The following ANKAR variants were observed in gnomAD, a reference collection of about 807,000 sequenced individuals.
The protein encoded by ANKAR is ankyrin and armadillo repeat-containing protein.
A neutral mutation model predicts 146.2 loss-of-function variants in ANKAR; 136 were observed. The observed-to-expected ratio is 0.93, with a 90% CI of 0.81 to 1.07. The LOEUF (loss-of-function observed/expected upper bound fraction) is 1.07, where lower values mean the gene tolerates loss of function less well. Ranked by LOEUF, ANKAR falls within the 50% of genes least tolerant of loss-of-function variation. ANKAR has a pLI of 0.00. For missense variants in ANKAR, 1,567 were observed against 1,679.9 expected (o/e 0.93, Z 1.18); for synonymous variants, 500 against 575.8 (o/e 0.87, Z 1.88).
intron 16 of ANKAR, among the ~76,000 whole-genome samples, chr2:189,731,376 CT>C (rs71023714): frequency 1.2e-4 from 17 of 137,362 alleles, no homozygotes; most frequent in Admixed American, 2.2e-4. Flanking sequence ...TTTCTTTTTT[CT>C]TTTTTTTTTT....
intron 10 of ANKAR, among the ~76,000 whole-genome samples, chr2:189,716,665 A>T (rs1388031078): frequency 1.3e-5 from 2 of 152,306 alleles, no homozygotes; most frequent in East Asian, 3.9e-4. Flanking sequence ...AAGCTGGAGC[A>T]ATCACGCTAC....
chr2:189,730,580 TC>T lies in ANKAR; in HGVS notation c.3280del (p.His1094ThrfsTer19). Reference protein sequence around the residue: ...FPVLIQLLRNHPSPNIKVEVA... With the variant: ...FPVLIQLLRNXPSPNIKVEVA... ...CAGTACTTATCCAACTACTAAGAAATCACCCTTCTCCTAACATTAAGGTATA... is the reference window on the plus strand; with the variant it reads ...CAGTACTTATCCAACTACTAAGAAATACCCTTCTCCTAACATTAAGGTATA... On this transcript the variant is annotated frameshift_variant, in exon 16 of 23. Transcript: ENST00000684021. LOFTEE classifies it high-confidence loss of function. 4 of 1,588,630 alleles carry T rather than the reference TC, an allele frequency of 2.5e-6. No individual in the cohort carries two copies. Among genetic ancestry groups the T allele is most frequent in the Non-Finnish European group, 2.6e-6 (3 of 1,161,836 alleles).
chr2:189,740,475 T>A (rs1181380191), intron 19 of ANKAR, among the ~76,000 whole-genome samples: 1 of 152,202 alleles, frequency 6.6e-6, no homozygotes, highest in African/African-American at 2.4e-5. Context: ...CACAGAAATA[T>A]GAAAATACAT....
intron 7 of ANKAR, among the ~76,000 whole-genome samples, chr2:189,701,757 T>C (rs2038086242): frequency 6.6e-6 from 1 of 152,250 alleles, no homozygotes; most frequent in Non-Finnish European, 1.5e-5. Flanking sequence ...ATATTAATCA[T>C]AGTTTTAAAT....
intron 2 of ANKAR, among the ~76,000 whole-genome samples, chr2:189,686,747 T>C (rs16831866): frequency 0.019 from 2,830 of 152,324 alleles, 85 homozygotes; most frequent in African/African-American, 0.064. Flanking sequence ...ATCTGTCTGC[T>C]TTTATCTTAC....
At chr2:189,761,827 G>A (rs2047105155), downstream of ANKAR, among the ~76,000 whole-genome samples, 1 of 152,120 alleles carries the variant, frequency 6.6e-6, no homozygotes, top group Admixed American at 6.5e-5. Context: ...TGAATATAAT[G>A]TTCTCCAAGG....
At chr2:189,686,808 G>A (rs1428601359) in intron 2 of ANKAR, among the ~76,000 whole-genome samples, 1 of 143,250 alleles carries the variant, frequency 7.0e-6, no homozygotes, top group Non-Finnish European at 1.5e-5. Flanking sequence ...TATAAATTTG[G>A]AAACGAGACT....
At chr2:189,750,754 A>T, downstream of ANKAR, 6 of 827,040 alleles carry the variant, frequency 7.3e-6, no homozygotes, top group Non-Finnish European at 1.1e-5. Flanking sequence ...TATAAATATC[A>T]AATATTTAAT....
intron 7 of ANKAR, among the ~76,000 whole-genome samples, chr2:189,699,814 G>GCACCACTA (rs1042893239): frequency 6.6e-6 from 1 of 152,020 alleles, no homozygotes; most frequent in Non-Finnish European, 1.5e-5. Context: ...TTACAGATGT[G>GCACCACTA]CACCACTACA....
At chr2:189,731,703 A>AT (rs1030004887) in intron 16 of ANKAR, among the ~76,000 whole-genome samples, 78 of 150,892 alleles carry the variant, frequency 5.2e-4, no homozygotes, top group African/African-American at 1.8e-3. Context: ...TATTTATTTA[A>AT]TTTTTTTTAA....
intron 19 of ANKAR, among the ~76,000 whole-genome samples, chr2:189,741,010 A>G (rs1017316490): frequency 1.3e-5 from 2 of 152,194 alleles, no homozygotes; most frequent in Non-Finnish European, 2.9e-5. Flanking sequence ...TTCTTATGAT[A>G]ATTAAATCAT....
chr2:189,716,635 A>AATTC (rs59971017), intron 10 of ANKAR, among the ~76,000 whole-genome samples: 1 of 151,844 alleles, frequency 6.6e-6, no homozygotes, highest in African/African-American at 2.4e-5. Context: ...TTGCCAAGAC[A>AATTC]ATCCTAGGCA....
intron 12 of ANKAR, among the ~76,000 whole-genome samples, chr2:189,724,480 A>G (rs2041647215): frequency 6.6e-6 from 1 of 151,650 alleles, no homozygotes; most frequent in African/African-American, 2.4e-5. Flanking sequence ...TTTGTTCTTT[A>G]CTCTGGCCTT....
intron 2 of ANKAR, among the ~76,000 whole-genome samples, chr2:189,680,112 C>G (rs1441881144): frequency 6.6e-6 from 1 of 152,008 alleles, no homozygotes; most frequent in Non-Finnish European, 1.5e-5. Context: ...TTTATTGTTT[C>G]AAGCTCTCTA....
chr2:189,755,192 G>A, intron 18 of ANKAR: 1 of 1,607,816 alleles, frequency 6.2e-7, no homozygotes, highest in Non-Finnish European at 8.5e-7. Flanking sequence ...CATGTCACCT[G>A]GTGCTATGTC....
At position 189,676,550 on chromosome 2, in the gene ANKAR, C is replaced by T; in HGVS notation, c.60C>T (p.Thr20=). 6.2e-7 allele frequency: 1 copy of T among 1,600,980 alleles called. No homozygotes were observed. Among genetic ancestry groups the T allele is most frequent in the Non-Finnish European group, 8.5e-7 (1 of 1,176,756 alleles). The part of the protein sequence containing the change: ...PRFEQVQDED[T]YLENLAIQRN... ...TTGAGCAAGTTCAGGATGAAGACACCTACCTGGAAAATTTAGCAATACAAA... is the reference window on the plus strand; with the variant it reads ...TTGAGCAAGTTCAGGATGAAGACACTTACCTGGAAAATTTAGCAATACAAA... Residue 20 remains threonine, a synonymous_variant, in exon 2 of 23, where the codon ACC becomes ACT. Coordinates refer to ENST00000684021, the MANE Select transcript of ANKAR (RefSeq NM_001378068.1).
At chr2:189,744,172 A>G (rs1206014630) in intron 21 of ANKAR, among the ~76,000 whole-genome samples, 1 of 152,190 alleles carries the variant, frequency 6.6e-6, no homozygotes. Context: ...TCCGAATAGG[A>G]CCCATGTACA....
At chr2:189,700,835 C>G (rs576200287) in intron 7 of ANKAR, among the ~76,000 whole-genome samples, 1 of 152,292 alleles carries the variant, frequency 6.6e-6, no homozygotes, top group South Asian at 2.1e-4. Flanking sequence ...ACCTCCAATT[C>G]CATCCATGTT....
At position 189,692,438 on chromosome 2, in the gene ANKAR, A is replaced by G; in HGVS notation, c.1203+20A>G. On this transcript the variant is annotated intron_variant, in intron 4 of 22. Transcript: ENST00000684021. ...TTTCAGGTTTAAATGATCATTCCTT[A>G]GACAATTTATCATTTCACAACTCTT... The G allele has an allele frequency of 6.3e-7, 1 of 1,589,382 alleles. No homozygotes were observed. Among genetic ancestry groups the G allele is most frequent in the Admixed American group, 1.9e-5 (1 of 53,766 alleles).
Sources: gnomAD v4.1 joint callset for allele counts (sites outside exome capture counted in the v4.1 genomes callset) on GRCh38, gnomAD v4.1.1 for gene constraint, MANE v1.5 for transcripts, NCBI Gene and HGNC (gene_info 2026-07-23, HGNC 2026-07-21) for gene names.